Variants in XYLB observed in about 807,000 individuals in gnomAD.
XYLB encodes xylulokinase.
Under a neutral mutation model 78.7 loss-of-function variants are expected in XYLB, and 62 were observed. The observed-to-expected ratio is 0.79, with a 90% CI of 0.64 to 0.97. The LOEUF (loss-of-function observed/expected upper bound fraction) is 0.97. Ranked by LOEUF, XYLB falls within the 50% of genes least tolerant of loss-of-function variation. XYLB has a pLI of 0.00. For missense variants in XYLB, 687 were observed against 676.8 expected, an observed-to-expected ratio of 1.02 and a Z score of -0.17; for synonymous variants, 245 against 247.4, an observed-to-expected ratio of 0.99 and a Z score of 0.09.
At chr3:38,378,277 G>T (rs2125609440) in intron 14 of XYLB, among the ~76,000 whole-genome samples, 1 of 152,358 alleles carries the variant, frequency 6.6e-6, no homozygotes, top group Admixed American at 6.5e-5. Flanking sequence ...GGAGAAAGTA[G>T]TGTTCTTCAT....
the XYLB span, among the ~76,000 whole-genome samples, chr3:38,432,135 A>T: frequency 6.6e-6 from 1 of 152,042 alleles, no homozygotes; most frequent in Non-Finnish European, 1.5e-5. Flanking sequence ...CTGTCCTCAC[A>T]TTTCAAAACA....
At chr3:38,398,664 G>A (rs144030709) in intron 17 of XYLB, among the ~76,000 whole-genome samples, 1 of 150,568 alleles carries the variant, frequency 6.6e-6, no homozygotes, top group African/African-American at 2.4e-5. Context: ...CTGCCTGCCT[G>A]CCTGCCTGCC....
the XYLB span, among the ~76,000 whole-genome samples, chr3:38,437,385 A>G: frequency 1.3e-5 from 2 of 152,198 alleles, no homozygotes; most frequent in Non-Finnish European, 2.9e-5. Flanking sequence ...CTCCTATTCA[A>G]CATAGTACTG....
chr3:38,373,943 C>T (rs747130466), intron 10 of XYLB, among the ~76,000 whole-genome samples: 1 of 151,862 alleles, frequency 6.6e-6, no homozygotes, highest in Admixed American at 6.6e-5. Flanking sequence ...TGCGTGATCC[C>T]GGAGTTCTAG....
At chr3:38,411,268 A>T (rs1196225655) in intron 18 of XYLB, among the ~76,000 whole-genome samples, 1 of 152,132 alleles carries the variant, frequency 6.6e-6, no homozygotes, top group Admixed American at 6.6e-5. Flanking sequence ...TTCTCTGTAA[A>T]CTATCGCAAG....
At chr3:38,381,614 C>T (rs1017999654) in intron 15 of XYLB, among the ~76,000 whole-genome samples, 3 of 152,194 alleles carry the variant, frequency 2.0e-5, no homozygotes, top group Non-Finnish European at 1.5e-5. Flanking sequence ...AGAGAATGTG[C>T]GCCTGCGGGT....
chr3:38,362,947 T>C lies in XYLB; in HGVS notation c.221T>C (p.Ile74Thr). 14 of 1,580,338 alleles carry C rather than the reference T, an allele frequency of 8.9e-6. No homozygotes were observed. The highest frequency in any genetic ancestry group is 1.2e-5 in the Non-Finnish European group (14 of 1,161,800). Residue 74 changes from isoleucine (I) to threonine (T), a missense_variant, in exon 4 of 19, where the codon ATC (isoleucine) becomes ACC (threonine). Ile to Thr is a moderately conservative substitution (Grantham distance 89). Transcript: ENST00000207870. ...TGTTTTTCTTCTTAGGCACTGGATA[T>C]CATCTTGGAGAAGATGAAGGCTTCG... Reference protein sequence around the residue: ...PVLMWVQALDIILEKMKASGF... With the variant: ...PVLMWVQALDTILEKMKASGF...
In XYLB at chr3:38,362,531, A is replaced by G. The variant is rs546408830; in HGVS notation, c.211-406A>G. ...GGGATTACAGGTGTGAGGTGATGGCATGCACCCGTAGTTCCAGCCACTTGG... is the reference window on the plus strand; with the variant it reads ...GGGATTACAGGTGTGAGGTGATGGCGTGCACCCGTAGTTCCAGCCACTTGG... On this transcript the variant is annotated intron_variant, in intron 3 of 18. Transcript: ENST00000207870. Among the ~76,000 whole-genome samples the G allele has an allele frequency of 4.6e-5, 7 of 152,180 alleles. No individual in the cohort carries two copies. The East Asian group carries it at 1.4e-3, about 30-fold the overall frequency.
intron 7 of XYLB, 100 bp from the exon 8 acceptor site, chr3:38,368,085 C>A: frequency 8.7e-7 from 1 of 1,152,292 alleles, no homozygotes; most frequent in Non-Finnish European, 1.3e-6. Context: ...GTTTCCACTT[C>A]CCTCTCCAAT....
At chr3:38,444,773 A>G in the XYLB span, among the ~76,000 whole-genome samples, 1 of 152,076 alleles carries the variant, frequency 6.6e-6, no homozygotes, top group Non-Finnish European at 1.5e-5. Flanking sequence ...AAAACCGCCC[A>G]TGGTTTTGGT....
chr3:38,379,742 G>T (rs1170613856), intron 15 of XYLB, among the ~76,000 whole-genome samples: 1 of 152,214 alleles, frequency 6.6e-6, no homozygotes, highest in Admixed American at 6.5e-5. Flanking sequence ...AGGTCCCATT[G>T]CCTGTGGGAC....
chr3:38,397,073 T>C lies in XYLB; in HGVS notation c.1352T>C (p.Val451Ala). The stretch of plus-strand genomic sequence containing the variant: ...GTAGAACCTCTGTGTCCTTTTCAGG[T>C]GCTTGCAGATGTGTTTGATGCCCCG... ...GASHNREILQ[V>A]LADVFDAPVY... The change falls in exon 17 of 19, where the codon GTG becomes GCG. Residue 451 changes from valine (V) to alanine (A), a missense_variant and splice_region_variant. Val to Ala is a moderately conservative substitution (Grantham distance 64). Coordinates refer to ENST00000207870, the MANE Select transcript of XYLB (RefSeq NM_005108.4). 4 of 1,614,128 alleles carry C rather than the reference T, an allele frequency of 2.5e-6. No individual in the cohort carries two copies. The highest frequency in any genetic ancestry group is 3.4e-6 in the Non-Finnish European group (4 of 1,180,002).
intron 2 of XYLB, among the ~76,000 whole-genome samples, chr3:38,354,255 A>G (rs962300032): frequency 2.6e-5 from 4 of 151,764 alleles, no homozygotes; most frequent in African/African-American, 9.7e-5. Context: ...TTTAGTAGAG[A>G]TGGGTTTTTG....
chr3:38,428,941 G>C, the XYLB span, among the ~76,000 whole-genome samples: 2 of 152,120 alleles, frequency 1.3e-5, no homozygotes, highest in Admixed American at 1.3e-4. Flanking sequence ...TGCTGCTCAG[G>C]TTCCTCTTCA....
In XYLB at chr3:38,365,718, G is replaced by A. The variant is rs773100182; in HGVS notation, c.489G>A (p.Thr163=). Residue 163 remains threonine (T), a synonymous_variant, in exon 6 of 19, where the codon ACG becomes ACA. Coordinates refer to ENST00000207870, the MANE Select transcript of XYLB (RefSeq NM_005108.4). The part of the protein sequence containing the change: ...VGGAQALSCL[T]GSRAYERFTG... ...GTGCTCAGGCTCTCAGCTGCCTCAC[G>A]GGGTCCCGTGCCTATGAGGTAGGCT... The A allele has an allele frequency of 3.7e-5, 59 of 1,613,244 alleles. 2 individuals carry two copies. In the South Asian group the frequency reaches 4.4e-4, roughly 12 times the overall value.
downstream of XYLB, among the ~76,000 whole-genome samples, chr3:38,417,038 TAAG>T (rs1225031290): frequency 3.3e-5 from 5 of 152,222 alleles, no homozygotes; most frequent in Admixed American, 1.3e-4. Flanking sequence ...AGACTGAAGT[TAAG>T]GAGACAAAAA....
the XYLB span, among the ~76,000 whole-genome samples, chr3:38,427,658 G>C: frequency 1.3e-5 from 2 of 151,922 alleles, no homozygotes; most frequent in Admixed American, 6.6e-5. Context: ...CAGTGGCATG[G>C]TCTTGGCTTA....
chr3:38,357,325 T>A (rs1705707612), intron 2 of XYLB, among the ~76,000 whole-genome samples: 1 of 152,158 alleles, frequency 6.6e-6, no homozygotes, highest in Non-Finnish European at 1.5e-5. Context: ...CCAAACTGTT[T>A]TCCAAAGTGG....
chr3:38,376,841 C>G (rs1706881987), intron 13 of XYLB, 77 bp from the exon 14 acceptor site: 38 of 1,300,956 alleles, frequency 2.9e-5, no homozygotes, highest in Non-Finnish European at 4.1e-5. Context: ...TCATTTTGTC[C>G]TGTTCTAAGT....
Sources: gnomAD v4.1 joint callset for allele counts (sites outside exome capture counted in the v4.1 genomes callset) on GRCh38, gnomAD v4.1.1 for gene constraint, MANE v1.5 for transcripts, NCBI Gene and HGNC (gene_info 2026-07-23, HGNC 2026-07-21) for gene names.